PDE4B: variants seen among roughly 807,000 people sequenced by gnomAD.
PDE4B encodes the protein 3',5'-cyclic-AMP phosphodiesterase 4B.
In PDE4B, 20 loss-of-function variants were observed where a neutral mutation model predicts 82.2. The ratio of observed to expected loss-of-function variants is 0.24; its 90% CI spans 0.17 to 0.35. PDE4B has a LOEUF of 0.35. Ranked by LOEUF, PDE4B falls within the 10% of genes least tolerant of loss-of-function variation. The probability of loss-of-function intolerance (pLI) is 1.00; values close to 1 mark genes in which losing one functional copy is unlikely to be tolerated. For missense variants in PDE4B, 655 were observed against 907.2 expected, an observed-to-expected ratio of 0.72 and a Z score of 3.57; for synonymous variants, 320 against 318.9, an observed-to-expected ratio of 1.00 and a Z score of -0.04.
intron 3 of PDE4B, among the ~76,000 whole-genome samples, chr1:65,973,731 C>A (rs1024415788): frequency 6.6e-6 from 1 of 152,130 alleles, no homozygotes; most frequent in Non-Finnish European, 1.5e-5. Flanking sequence ...ATTCATACAT[C>A]CAATAAATCT....
At chr1:66,062,291 A>G (rs1477481923) in intron 3 of PDE4B, among the ~76,000 whole-genome samples, 2 of 152,138 alleles carry the variant, frequency 1.3e-5, no homozygotes, top group African/African-American at 4.8e-5. Context: ...CTAATCTTGT[A>G]AACAGTGGTA....
intron 3 of PDE4B, among the ~76,000 whole-genome samples, chr1:66,223,854 G>A (rs1395725152): frequency 1.5e-4 from 23 of 151,996 alleles, no homozygotes; most frequent in Non-Finnish European, 4.4e-5. Context: ...CAGATTTCTG[G>A]ATCACACCCT....
chr1:66,038,987 G>A (rs1451012494), intron 3 of PDE4B, among the ~76,000 whole-genome samples: 1 of 151,866 alleles, frequency 6.6e-6, no homozygotes, highest in East Asian at 1.9e-4. Flanking sequence ...TATACTCTCA[G>A]GAAGAGTTTT....
chr1:66,131,638 T>TATATATATATATATATATATA (rs1553149837), intron 3 of PDE4B, among the ~76,000 whole-genome samples: 3 of 120,270 alleles, frequency 2.5e-5, no homozygotes, highest in Non-Finnish European at 5.2e-5. Context: ...TATATATATA[T>TATATATATATATATATATATA]TACTAACCAG....
chr1:65,949,244 C>T (rs1194252538), intron 3 of PDE4B, among the ~76,000 whole-genome samples: 1 of 152,090 alleles, frequency 6.6e-6, no homozygotes, highest in African/African-American at 2.4e-5. Context: ...TCTTATGGGC[C>T]TCCCTAAGGA....
At position 65,918,086 on chromosome 1, in the gene PDE4B, C is replaced by T. The variant is rs190935008; in HGVS notation, c.43-511C>T. 5.3e-5 allele frequency among the ~76,000 whole-genome samples: 8 copies of T among 152,290 alleles called. No individual in the cohort carries two copies. In the East Asian group the frequency reaches 5.8e-4, roughly 11 times the overall value. On this transcript the variant is annotated intron_variant, in intron 2 of 16. Transcript: ENST00000341517. ...GGCTGAGGCAGGAGAATCACTTAAACCCAGGAGGAAGTGGTTGCAGTGAGC... is the reference window on the plus strand; with the variant it reads ...GGCTGAGGCAGGAGAATCACTTAAATCCAGGAGGAAGTGGTTGCAGTGAGC...
intron 3 of PDE4B, among the ~76,000 whole-genome samples, chr1:66,121,129 C>T (rs11576970): frequency 0.062 from 9,466 of 152,136 alleles, 436 homozygotes; most frequent in South Asian, 0.18. Flanking sequence ...TTACTATCCT[C>T]TCTGAGGAAG....
At chr1:66,072,243 G>A (rs972811820) in intron 3 of PDE4B, among the ~76,000 whole-genome samples, 2 of 152,006 alleles carry the variant, frequency 1.3e-5, no homozygotes, top group Middle Eastern at 3.2e-3. Context: ...GTAAAAGAGT[G>A]GTGTCCTTAT....
chr1:65,972,559 T>A (rs1352608850), intron 3 of PDE4B, among the ~76,000 whole-genome samples: 2 of 152,152 alleles, frequency 1.3e-5, no homozygotes, highest in Non-Finnish European at 2.9e-5. Context: ...CGGAAAGTAG[T>A]TTTGGCCAAA....
At chr1:65,818,779 A>T (rs1645916746) in intron 1 of PDE4B, among the ~76,000 whole-genome samples, 1 of 151,846 alleles carries the variant, frequency 6.6e-6, no homozygotes, top group Non-Finnish European at 1.5e-5. Context: ...GTTATTATAC[A>T]GGTAAAGAAA....
At chr1:65,876,416 AAT>A (rs1200817238) in intron 1 of PDE4B, among the ~76,000 whole-genome samples, 1 of 152,028 alleles carries the variant, frequency 6.6e-6, no homozygotes, top group Non-Finnish European at 1.5e-5. Flanking sequence ...AGTTAAAACA[AAT>A]ATATATATAC....
chr1:65,933,212 G>A (rs1647934115), intron 3 of PDE4B, among the ~76,000 whole-genome samples: 1 of 152,146 alleles, frequency 6.6e-6, no homozygotes, highest in Admixed American at 6.5e-5. Context: ...CAACAGAAAA[G>A]TGATTTGTCA....
At chr1:66,335,891 T>C (rs1660477807) in intron 8 of PDE4B, among the ~76,000 whole-genome samples, 1 of 152,206 alleles carries the variant, frequency 6.6e-6, no homozygotes, top group African/African-American at 2.4e-5. Flanking sequence ...GTGTTTCAAT[T>C]TTCATCACCT....
At chr1:65,958,205 T>C (rs1354119166) in intron 3 of PDE4B, among the ~76,000 whole-genome samples, 1 of 152,118 alleles carries the variant, frequency 6.6e-6, no homozygotes, top group Non-Finnish European at 1.5e-5. Flanking sequence ...GTTGGATTTT[T>C]TTTAAATTAT....
At chr1:66,013,727 T>A (rs1167620669) in intron 3 of PDE4B, among the ~76,000 whole-genome samples, 1 of 152,164 alleles carries the variant, frequency 6.6e-6, no homozygotes, top group East Asian at 1.9e-4. Flanking sequence ...TGCTTCCACC[T>A]TTTGGCTATT....
chr1:66,191,132 T>C (rs1385232597), intron 3 of PDE4B, among the ~76,000 whole-genome samples: 1 of 152,230 alleles, frequency 6.6e-6, no homozygotes, highest in Non-Finnish European at 1.5e-5. Flanking sequence ...ATTTTGTTGC[T>C]GCTGTGATTT....
intron 1 of PDE4B, among the ~76,000 whole-genome samples, chr1:65,892,678 T>G (rs1265616972): frequency 2.6e-5 from 4 of 152,036 alleles, no homozygotes; most frequent in African/African-American, 9.7e-5. Flanking sequence ...AGTTATCCTT[T>G]TACCATCAAC....
chr1:66,182,425 T>C (rs534077910), intron 3 of PDE4B, among the ~76,000 whole-genome samples: 2 of 152,318 alleles, frequency 1.3e-5, no homozygotes, highest in East Asian at 3.9e-4. Flanking sequence ...AAAATTGCTC[T>C]CCTATTTAAG....
intron 3 of PDE4B, among the ~76,000 whole-genome samples, chr1:65,966,577 C>T (rs771766214): frequency 3.3e-5 from 5 of 152,140 alleles, no homozygotes; most frequent in African/African-American, 4.8e-5. Flanking sequence ...CAAAAAAGAG[C>T]TCGTATAGCC....
Sources: allele counts gnomAD v4.1 joint callset (sites outside exome capture counted in the v4.1 genomes callset), GRCh38; gene constraint gnomAD v4.1.1; transcripts MANE v1.5; gene names NCBI Gene and HGNC (gene_info 2026-07-23, HGNC 2026-07-21).